The following PHF3 variants were observed in gnomAD, a reference collection of about 807,000 sequenced individuals.
PHF3 encodes PHD finger protein 3.
PHF3 carries 41 observed loss-of-function variants against 178.4 expected under a neutral mutation model. That is an observed-to-expected ratio of 0.23 (90% confidence interval 0.18 to 0.30). The LOEUF is 0.30. Ranked by LOEUF, PHF3 falls within the 10% of genes least tolerant of loss-of-function variation. The pLI is 1.00. For synonymous variants in PHF3, 842 were observed against 800.5 expected (o/e 1.05, Z -0.88); for missense variants, 2,346 against 2,398.1 (o/e 0.98, Z 0.45).
intron 2 of PHF3, among the ~76,000 whole-genome samples, chr6:63,659,960 G>A (rs1284439405): frequency 6.6e-6 from 1 of 152,204 alleles, no homozygotes; most frequent in Non-Finnish European, 1.5e-5. Flanking sequence ...CATAAGTTCT[G>A]TTAAGATCAG....
chr6:63,657,825 A>T (rs1437213148), intron 2 of PHF3, among the ~76,000 whole-genome samples: 1 of 152,156 alleles, frequency 6.6e-6, no homozygotes. Context: ...TGCTTTCCCC[A>T]AAGGTCAGAT....
At chr6:63,707,697 T>A (rs180686622) in intron 13 of PHF3, among the ~76,000 whole-genome samples, 1 of 152,050 alleles carries the variant, frequency 6.6e-6, no homozygotes, top group African/African-American at 2.4e-5. Context: ...CCTTTTATTA[T>A]TTGAAAAAGC....
At chr6:63,700,538 A>C in intron 9 of PHF3, 72 bp downstream of exon 9, 1 of 813,420 alleles carries the variant, frequency 1.2e-6, no homozygotes, top group Non-Finnish European at 2.1e-6. Context: ...AAAATTATAC[A>C]GAGGTAAATT....
intron 11 of PHF3, among the ~76,000 whole-genome samples, chr6:63,705,741 ATT>A (rs1767662159): frequency 6.6e-6 from 1 of 152,202 alleles, no homozygotes; most frequent in Admixed American, 6.5e-5. Context: ...AATTAACTTT[ATT>A]ACAGGTAGAA....
chr6:63,659,756 G>A (rs1269058424), intron 2 of PHF3, among the ~76,000 whole-genome samples: 1 of 152,108 alleles, frequency 6.6e-6, no homozygotes, highest in East Asian at 1.9e-4. Context: ...CCTTTTGAAT[G>A]TCATTTTGGT....
At chr6:63,666,367 GTATA>G (rs988498918) in intron 2 of PHF3, among the ~76,000 whole-genome samples, 36 of 151,518 alleles carry the variant, frequency 2.4e-4, no homozygotes, top group African/African-American at 8.5e-4. Flanking sequence ...AGTTTCTTAC[GTATA>G]TATATTTACA....
intron 13 of PHF3, among the ~76,000 whole-genome samples, chr6:63,707,601 A>G (rs1163232008): frequency 1.3e-5 from 2 of 152,160 alleles, no homozygotes; most frequent in South Asian, 2.1e-4. Flanking sequence ...TGTTGAGATC[A>G]TATTTTGCTA....
rs1768194289 is a variant in PHF3, at chr6:63,716,501, T to C, written c.*2793T>C. Among the ~76,000 whole-genome samples the C allele has an allele frequency of 6.6e-6, 1 of 152,106 alleles. No homozygotes were observed. Among genetic ancestry groups the C allele is most frequent in the African/African-American group, 2.4e-5 (1 of 41,432 alleles). On this transcript the variant is annotated 3_prime_UTR_variant, in exon 16 of 16. Coordinates refer to ENST00000262043, the MANE Select transcript of PHF3 (RefSeq NM_001370348.2). Reference sequence around the variant, plus strand: ...TTATATTAATCACAAATCCTAATTCTCTATTCCTGTTTTCTATTGCTGTTG... The same window carrying C: ...TTATATTAATCACAAATCCTAATTCCCTATTCCTGTTTTCTATTGCTGTTG...
At chr6:63,679,272 G>A (rs1582061146) in intron 2 of PHF3, among the ~76,000 whole-genome samples, 1 of 151,812 alleles carries the variant, frequency 6.6e-6, no homozygotes, top group Non-Finnish European at 1.5e-5. Context: ...ATATGAGTAC[G>A]GTGTTACTAT....
chr6:63,636,632 C>T (rs2149530900), intron 1 of PHF3: 1 of 152,416 alleles, frequency 6.6e-6, no homozygotes, highest in Admixed American at 6.5e-5. Flanking sequence ...CTGGGACTGG[C>T]CCTGGCTGCT....
intron 2 of PHF3, among the ~76,000 whole-genome samples, chr6:63,659,426 C>A (rs1027839917): frequency 6.6e-6 from 1 of 152,126 alleles, no homozygotes; most frequent in South Asian, 2.1e-4. Flanking sequence ...TAGGCAGATG[C>A]AGCTTAAAAA....
intron 11 of PHF3, among the ~76,000 whole-genome samples, chr6:63,704,521 G>A (rs1767610855): frequency 6.7e-6 from 1 of 150,256 alleles, no homozygotes; most frequent in Non-Finnish European, 1.5e-5. Context: ...TTTCAGATTG[G>A]CTACTTTCAC....
At chr6:63,645,252 T>A (rs1764735654) in intron 1 of PHF3, among the ~76,000 whole-genome samples, 1 of 152,108 alleles carries the variant, frequency 6.6e-6, no homozygotes, top group Non-Finnish European at 1.5e-5. Flanking sequence ...GGGTAACACT[T>A]ACTAATGGGT....
intron 2 of PHF3, among the ~76,000 whole-genome samples, chr6:63,658,271 C>T (rs879481309): frequency 6.6e-5 from 10 of 152,296 alleles, no homozygotes; most frequent in Admixed American, 5.9e-4. Flanking sequence ...TTTTCATGCT[C>T]TGTTTTAGTA....
Position 63,694,573 on chromosome 6 carries a change from T to C in PHF3, c.2497-8T>C. 1.4e-6 allele frequency: 2 copies of C among 1,453,924 alleles called. No individual in the cohort carries two copies. The highest frequency in any genetic ancestry group is 1.8e-6 in the Non-Finnish European group (2 of 1,098,052). 90.1% of individuals were successfully genotyped at this position (1,453,924 alleles called of 1,614,324 possible). A position where few individuals can be genotyped will look rare whatever the true frequency, so the allele number is the denominator to read the frequency against. ...TTCATTCTAATGAATTAAGTACTCA[T>C]TTTCCAGGAGTCTGGTGAAGGCAGA... On this transcript the variant is annotated splice_region_variant and splice_polypyrimidine_tract_variant and intron_variant, in intron 5 of 15. Transcript: ENST00000262043.
chr6:63,701,811 A>T (rs1363182227), intron 9 of PHF3, among the ~76,000 whole-genome samples: 7 of 152,134 alleles, frequency 4.6e-5, no homozygotes, highest in Non-Finnish European at 1.0e-4. Flanking sequence ...TCTGCTTTGA[A>T]ACTGGCTGCG....
At chr6:63,694,170 C>G (rs1384709236) in intron 5 of PHF3, among the ~76,000 whole-genome samples, 2 of 152,108 alleles carry the variant, frequency 1.3e-5, no homozygotes, top group Admixed American at 1.3e-4. Context: ...GTAGCAGGTA[C>G]TCTGATGGTT....
Position 63,724,041 on chromosome 6 carries a change from A to G in PHF3, c.*10333A>G, listed in dbSNP as rs978716642. Among the ~76,000 whole-genome samples, 3 of 152,134 alleles carry G rather than the reference A, an allele frequency of 2.0e-5. No homozygotes were observed. Among genetic ancestry groups the G allele is most frequent in the African/African-American group, 7.2e-5 (3 of 41,422 alleles). On this transcript the variant is annotated 3_prime_UTR_variant, in exon 16 of 16. Coordinates refer to ENST00000262043, the MANE Select transcript of PHF3 (RefSeq NM_001370348.2). The stretch of plus-strand genomic sequence containing the variant: ...AGGCTGGTCTTGACCTCCTGACTTC[A>G]GGTGATCCGCCCACCTCGGCCTCCC...
At chr6:63,642,508 A>G (rs1764618308) in intron 1 of PHF3, among the ~76,000 whole-genome samples, 1 of 152,220 alleles carries the variant, frequency 6.6e-6, no homozygotes, top group Non-Finnish European at 1.5e-5. Flanking sequence ...TGAATTATGC[A>G]GATTATTCAC....
Sources: gnomAD v4.1 joint callset for allele counts (sites outside exome capture counted in the v4.1 genomes callset) on GRCh38, gnomAD v4.1.1 for gene constraint, MANE v1.5 for transcripts, NCBI Gene and HGNC (gene_info 2026-07-23, HGNC 2026-07-21) for gene names.